ADAMTS2: variants seen among roughly 807,000 people sequenced by gnomAD.
ADAMTS2 encodes the protein A disintegrin and metalloproteinase with thrombospondin motifs 2.
ADAMTS2 carries 50 observed loss-of-function variants against 123.0 expected under a neutral mutation model. That is an observed-to-expected ratio of 0.41 (90% confidence interval 0.32 to 0.51). The LOEUF is 0.51. Among genes scored for constraint, ADAMTS2 ranks in the 20% least tolerant of loss-of-function variants. The pLI, the probability that ADAMTS2 is intolerant of heterozygous loss-of-function variation, is 0.35. For missense variants in ADAMTS2, 1,494 were observed against 1,705.2 expected (o/e 0.88, Z 2.18); for synonymous variants, 678 against 695.4 (o/e 0.98, Z 0.39).
At chr5:179,261,190 G>A (rs1337313030) in intron 3 of ADAMTS2, among the ~76,000 whole-genome samples, 3 of 152,186 alleles carry the variant, frequency 2.0e-5, no homozygotes, top group African/African-American at 7.2e-5. Context: ...GAGATAAACA[G>A]GCAAAGGACT....
rs985546670 is a variant in ADAMTS2, at chr5:179,225,642, C to T, written c.689-17927G>A. Among the ~76,000 whole-genome samples the T allele has an allele frequency of 3.3e-5, 5 of 152,154 alleles. No individual in the cohort carries two copies. Among genetic ancestry groups the T allele is most frequent in the Non-Finnish European group, 7.4e-5 (5 of 68,022 alleles). Reference sequence around the variant, plus strand: ...CGAGCACCAGCACGCTGCAGGCCACCGACCGGCAGAAGCAGAACGACACGG... The same window carrying T: ...CGAGCACCAGCACGCTGCAGGCCACTGACCGGCAGAAGCAGAACGACACGG... On this transcript the variant is annotated intron_variant, in intron 3 of 21. Coordinates refer to ENST00000251582, the MANE Select transcript of ADAMTS2 (RefSeq NM_014244.5). The surrounding 1 kb of genome is among the most constrained non-coding windows in gnomAD (Gnocchi z 4.5).
At chr5:179,207,376 G>T in intron 4 of ADAMTS2, 137 bp downstream of exon 4, 1 of 915,872 alleles carries the variant, frequency 1.1e-6, no homozygotes, top group Non-Finnish European at 1.7e-6. Flanking sequence ...GCCTCCCTGA[G>T]ACTGTGTCAC....
intron 2 of ADAMTS2, among the ~76,000 whole-genome samples, chr5:179,282,472 T>C (rs1766942628): frequency 6.6e-6 from 1 of 152,234 alleles, no homozygotes; most frequent in Non-Finnish European, 1.5e-5. Context: ...CTCTCAGTTC[T>C]ATTCTACCAA....
chr5:179,135,331 G>A (rs1763047401), intron 13 of ADAMTS2, among the ~76,000 whole-genome samples: 1 of 152,234 alleles, frequency 6.6e-6, no homozygotes, highest in South Asian at 2.1e-4. Flanking sequence ...GAGACTTCCG[G>A]TTGTTTTCGG....
chr5:179,220,553 G>A (rs1765102346), intron 3 of ADAMTS2, among the ~76,000 whole-genome samples: 1 of 152,100 alleles, frequency 6.6e-6, no homozygotes, highest in Non-Finnish European at 1.5e-5. Context: ...CCTAGGGAGT[G>A]GGGCCCGCAT....
chr5:179,217,839 CA>C (rs760837163), intron 3 of ADAMTS2, among the ~76,000 whole-genome samples: 772 of 57,922 alleles, frequency 0.013, 28 homozygotes, highest in African/African-American at 0.048. Flanking sequence ...TGAGGGCAGA[CA>C]GGCACACTCA....
chr5:179,165,005 C>G (rs1038439352), intron 5 of ADAMTS2, among the ~76,000 whole-genome samples: 4 of 152,210 alleles, frequency 2.6e-5, no homozygotes, highest in African/African-American at 9.6e-5. Flanking sequence ...GAAGTCTGGG[C>G]TGGCCGTGGA....
At position 179,181,395 on chromosome 5, in the gene ADAMTS2, G is replaced by A. The variant is rs1231855991; in HGVS notation, c.892-240C>T. Among the ~76,000 whole-genome samples, 2 of 152,108 alleles carry A rather than the reference G, an allele frequency of 1.3e-5. No individual in the cohort carries two copies. The highest frequency in any genetic ancestry group is 2.9e-5 in the Non-Finnish European group (2 of 68,018). ...CCTTCCTGAGCAACCCCACCCACCAGCCCAGGGTTTCCTCACCTGGGGCCT... is the reference window on the plus strand; with the variant it reads ...CCTTCCTGAGCAACCCCACCCACCAACCCAGGGTTTCCTCACCTGGGGCCT... On this transcript the variant is annotated intron_variant, in intron 4 of 21. Coordinates refer to ENST00000251582, the MANE Select transcript of ADAMTS2 (RefSeq NM_014244.5). The surrounding 1 kb of genome is among the most constrained non-coding windows in gnomAD (Gnocchi z 4.1).
chr5:179,133,991 C>T (rs1047987762), intron 13 of ADAMTS2, among the ~76,000 whole-genome samples: 2 of 152,020 alleles, frequency 1.3e-5, no homozygotes, highest in African/African-American at 2.4e-5. Flanking sequence ...GGATTACAGG[C>T]GTGAGCCACC....
rs888689924 is a variant in ADAMTS2, at chr5:179,242,778, C to G, written c.688+30133G>C. ...TCCCTCAGATCCCAGTCAAGGAATA[C>G]AGTATTTCACCAGGATAGATGGGCC... On this transcript the variant is annotated intron_variant, in intron 3 of 21. Transcript: ENST00000251582. This position sits in a 1 kb window ranked among gnomAD's most constrained non-coding sequence, Gnocchi z 4.2. Among the ~76,000 whole-genome samples, 18 of 152,100 alleles carry G rather than the reference C, an allele frequency of 1.2e-4. No individual in the cohort carries two copies. The highest frequency in any genetic ancestry group is 4.3e-4 in the African/African-American group (18 of 41,414).
At position 179,314,534 on chromosome 5, in the gene ADAMTS2, G is replaced by A. The variant is rs146694900; in HGVS notation, c.534+29233C>T. Reference sequence around the variant, plus strand: ...AGGAAGCAGCCCTCCCACCCACAGCGCTCCTGCCTCTGCAGCCCCCCGGGC... The same window carrying A: ...AGGAAGCAGCCCTCCCACCCACAGCACTCCTGCCTCTGCAGCCCCCCGGGC... On this transcript the variant is annotated intron_variant, in intron 2 of 21. Coordinates refer to ENST00000251582, the MANE Select transcript of ADAMTS2 (RefSeq NM_014244.5). This position sits in a 1 kb window ranked among gnomAD's most constrained non-coding sequence, Gnocchi z 4.5. Among the ~76,000 whole-genome samples, 6 of 152,054 alleles carry A rather than the reference G, an allele frequency of 3.9e-5. No homozygotes were observed. The highest frequency in any genetic ancestry group is 7.2e-5 in the African/African-American group (3 of 41,396).
chr5:179,247,292 G>A (rs1415722477), intron 3 of ADAMTS2, among the ~76,000 whole-genome samples: 1 of 152,058 alleles, frequency 6.6e-6, no homozygotes, highest in Non-Finnish European at 1.5e-5. Context: ...ATTTGAGCAG[G>A]CAAACAAAGA....
chr5:179,293,155 G>C (rs889137941), intron 2 of ADAMTS2, among the ~76,000 whole-genome samples: 2 of 152,210 alleles, frequency 1.3e-5, no homozygotes, highest in South Asian at 4.1e-4. Context: ...AAGACAGTCT[G>C]ACCCCACTTT....
chr5:179,144,836 A>G (rs1394924067), intron 10 of ADAMTS2, among the ~76,000 whole-genome samples: 1 of 152,254 alleles, frequency 6.6e-6, no homozygotes, highest in Non-Finnish European at 1.5e-5. Context: ...TGGTTTCTCA[A>G]ATACAACACC....
intron 3 of ADAMTS2, among the ~76,000 whole-genome samples, chr5:179,212,445 T>C (rs112657944): frequency 7.3e-6 from 1 of 137,928 alleles, no homozygotes; most frequent in Admixed American, 7.2e-5. Flanking sequence ...GCGTGGGCCC[T>C]GAGGGTGGGT....
intron 5 of ADAMTS2, among the ~76,000 whole-genome samples, chr5:179,172,376 C>G (rs1339878825): frequency 6.6e-6 from 1 of 152,238 alleles, no homozygotes; most frequent in Non-Finnish European, 1.5e-5. Context: ...TGAAGCAGAG[C>G]TTCTGCAGGT....
chr5:179,257,955 T>C (rs1766109652), intron 3 of ADAMTS2, among the ~76,000 whole-genome samples: 1 of 152,232 alleles, frequency 6.6e-6, no homozygotes, highest in South Asian at 2.1e-4. Context: ...GCCCTCCTGC[T>C]GCTGGCCGAC....
intron 2 of ADAMTS2, among the ~76,000 whole-genome samples, chr5:179,337,491 C>T (rs1284595562): frequency 6.6e-6 from 1 of 152,212 alleles, no homozygotes; most frequent in Non-Finnish European, 1.5e-5. Context: ...TGTACATGCA[C>T]ACACTCCCGC....
rs769174562 is a variant in ADAMTS2 at position 179,207,673 on chromosome 5, C to A, written c.731G>T (p.Gly244Val). The part of the protein sequence containing the change: ...DSLDSLSRAL[G>V]VLEEHANSSR... ...GCTGTTGGCGTGCTCCTCTAGGACG[C>A]CCAGGGCGCGGCTGAGGCTGTCCAG... Residue 244 changes from glycine to valine, a missense_variant, in exon 4 of 22, where the codon GGC becomes GTC. Physicochemically the swap from Gly to Val is moderately radical, Grantham distance 109. Coordinates refer to ENST00000251582, the MANE Select transcript of ADAMTS2 (RefSeq NM_014244.5). 1 of 1,613,330 alleles carries A rather than the reference C, an allele frequency of 6.2e-7. No individual in the cohort carries two copies. The highest frequency in any genetic ancestry group is 8.5e-7 in the Non-Finnish European group (1 of 1,180,010).
Sources: gnomAD v4.1 joint callset for allele counts (sites outside exome capture counted in the v4.1 genomes callset) on GRCh38, gnomAD v4.1.1 for gene constraint, Gnocchi (gnomAD v3.1) non-coding constraint, MANE v1.5 for transcripts, NCBI Gene and HGNC (gene_info 2026-07-23, HGNC 2026-07-21) for gene names.